Variants in C4orf50 observed in about 807,000 individuals in gnomAD.
C4orf50 encodes the protein chromosome 4 open reading frame 50, also known as uncharacterized protein C4orf50.
In C4orf50, 80 loss-of-function variants were observed where a neutral mutation model predicts 77.2. The observed-to-expected ratio is 1.04, with a 90% CI of 0.87 to 1.25. C4orf50 has a LOEUF of 1.25. Ranked by LOEUF, C4orf50 falls within the 50% of genes most tolerant of loss-of-function variation. The pLI is 0.00. For synonymous variants in C4orf50, 532 were observed against 465.3 expected, an observed-to-expected ratio of 1.14 and a Z score of -1.84; for missense variants, 1,257 against 1,152.9, an observed-to-expected ratio of 1.09 and a Z score of -1.31.
chr4:5,906,479 G>T (rs975989656), intron 7 of C4orf50, among the ~76,000 whole-genome samples: 6 of 152,152 alleles, frequency 3.9e-5, no homozygotes, highest in Admixed American at 3.9e-4. Flanking sequence ...AAAGAGCTCA[G>T]TTTGCCAAGA....
At chr4:5,987,686 G>A (rs370970757) in intron 28 of C4orf50, among the ~76,000 whole-genome samples, 7 of 151,716 alleles carry the variant, frequency 4.6e-5, no homozygotes, top group Admixed American at 2.6e-4. Flanking sequence ...AGGGTGGAGC[G>A]AGATGGGAGA....
At chr4:5,903,678 T>A (rs1716429691) in intron 7 of C4orf50, 1 of 152,112 alleles carries the variant, frequency 6.6e-6, no homozygotes, top group African/African-American at 2.4e-5. Flanking sequence ...GAATATGGTG[T>A]TTCTAATTTT....
intron 29 of C4orf50, 82 bp from the exon 8 acceptor site, chr4:5,976,037 A>C: frequency 1.7e-6 from 2 of 1,169,284 alleles, no homozygotes; most frequent in Non-Finnish European, 2.6e-6. Flanking sequence ...CTGGGCTCAG[A>C]ACAGCTGGCA....
intron 23 of C4orf50, among the ~76,000 whole-genome samples, chr4:6,014,754 A>G (rs1308128233): frequency 1.3e-5 from 2 of 152,190 alleles, no homozygotes; most frequent in Non-Finnish European, 2.9e-5. Flanking sequence ...CAGGGTCCAA[A>G]GGAGCCAAGA....
downstream of C4orf50, among the ~76,000 whole-genome samples, chr4:5,954,119 C>T (rs1718845218): frequency 6.6e-6 from 1 of 152,214 alleles, no homozygotes; most frequent in South Asian, 2.1e-4. The surrounding 1 kb of genome is among the most constrained non-coding windows in gnomAD (Gnocchi z 4.7). Context: ...CCCTGGCTCC[C>T]AGGACAGCAG....
At chr4:6,012,727 G>A (rs940991209) in intron 23 of C4orf50, among the ~76,000 whole-genome samples, 2 of 152,146 alleles carry the variant, frequency 1.3e-5, no homozygotes, top group African/African-American at 4.8e-5. Context: ...CTGTGGGAGG[G>A]AGACACACGC....
Position 5,900,395 on chromosome 4 carries a change from C to T in C4orf50, c.*2475-2207G>A, listed in dbSNP as rs2152479477. The T allele has an allele frequency of 6.6e-6, 1 of 152,012 alleles. No homozygotes were observed. Among genetic ancestry groups the T allele is most frequent in the Middle Eastern group, 3.4e-3 (1 of 294 alleles). The allele number at this position is 152,012 out of a possible 1,614,324, so 9.4% of individuals were successfully genotyped here. A position where few individuals can be genotyped will look rare whatever the true frequency, so the allele number is the denominator to read the frequency against. On this transcript the variant is annotated intron_variant, in intron 7 of 7. Transcript: ENST00000324058. This position sits in a 1 kb window ranked among gnomAD's most constrained non-coding sequence, Gnocchi z 4.3. ...ACACCGAGAAACTAGGTAAGGAAGG[C>T]TACGGAAGGGTGGATTTAAAGATCA...
At chr4:5,999,934 G>C (rs113331974) in intron 25 of C4orf50, among the ~76,000 whole-genome samples, 16 of 152,310 alleles carry the variant, frequency 1.1e-4, no homozygotes, top group African/African-American at 3.8e-4. Context: ...CACACTCAGG[G>C]ACCTGCAGCT....
At position 6,015,641 on chromosome 4, in the gene C4orf50, C is replaced by T. The variant is rs1033969715; in HGVS notation, c.287+2504G>A. Among the ~76,000 whole-genome samples the T allele has an allele frequency of 5.9e-5, 9 of 152,150 alleles. No homozygotes were observed. The highest frequency in any genetic ancestry group is 1.3e-4 in the Non-Finnish European group (9 of 68,040). On this transcript the variant is annotated intron_variant, in intron 23 of 33. Transcript: ENST00000531445. The surrounding 1 kb of genome is among the most constrained non-coding windows in gnomAD (Gnocchi z 4.4). ...TGCAGCTGTAACACGTCACCACAAGCTTGGCGGCCAGAAGTCGGAATCAGT... is the reference window on the plus strand; with the variant it reads ...TGCAGCTGTAACACGTCACCACAAGTTTGGCGGCCAGAAGTCGGAATCAGT...
rs58512584 is a variant in C4orf50 at position 5,987,412 on chromosome 4, C to CAAAAAAAAAAAAAAAAAAA, written c.3699+916_3699+934dup. On this transcript the variant is annotated intron_variant, in intron 28 of 33. Transcript: ENST00000531445. ...GGTGACAGAGCGAGACTCTGTCTCA[C>CAAAAAAAAAAAAAAAAAAA]AAAAAAAAAAAAAAAAAAAAAAAGA... Among the ~76,000 whole-genome samples the CAAAAAAAAAAAAAAAAAAA allele has an allele frequency of 8.9e-4, 30 of 33,642 alleles. 1 individual carries two copies. The highest frequency in any genetic ancestry group is 1.5e-3 in the African/African-American group (16 of 10,916). The allele number at this position is 33,642 out of a possible 152,430, so 22.1% of individuals were successfully genotyped here. A position where few individuals can be genotyped will look rare whatever the true frequency, so the allele number is the denominator to read the frequency against.
chr4:5,972,225 G>A (rs528143446), intron 31 of C4orf50, among the ~76,000 whole-genome samples: 6 of 152,050 alleles, frequency 3.9e-5, no homozygotes, highest in African/African-American at 9.6e-5. Flanking sequence ...GCATGGTCTC[G>A]ATCTCTTGAC....
chr4:5,940,318 T>C (rs1466093920), intron 7 of C4orf50, among the ~76,000 whole-genome samples: 1 of 152,240 alleles, frequency 6.6e-6, no homozygotes, highest in Non-Finnish European at 1.5e-5. Context: ...TCCTTCTTAT[T>C]TGTAATTCAT....
rs780019244 is a variant in C4orf50 at position 5,965,207 on chromosome 4, G to A, written c.4154-62C>T. 161 of 1,539,738 alleles carry A rather than the reference G, an allele frequency of 1.0e-4. 1 individual carries two copies. The highest frequency in any genetic ancestry group is 8.5e-4 in the Admixed American group (47 of 55,508). ...GAACCTAGGTGAAAAGTCTACAAGT[G>A]TCTGAGCCTTGTCATAACCTTCTTC... On this transcript the variant is annotated intron_variant, in intron 32 of 33. Transcript: ENST00000531445.
intron 7 of C4orf50, among the ~76,000 whole-genome samples, chr4:5,945,445 G>A (rs1305127449): frequency 6.6e-6 from 1 of 152,192 alleles, no homozygotes; most frequent in Non-Finnish European, 1.5e-5. Context: ...CCAGCACCCG[G>A]GAGAGGGGAA....
rs989093919 is a variant in C4orf50 at position 5,919,963 on chromosome 4, A to G, written c.*2475-21775T>C. On this transcript the variant is annotated intron_variant, in intron 7 of 7. Transcript: ENST00000324058. This position sits in a 1 kb window ranked among gnomAD's most constrained non-coding sequence, Gnocchi z 6.5. ...TCAACACGCACAGACTTTTCTTGTC[A>G]TCATTCCCTCAACAACACAGTATGA... Among the ~76,000 whole-genome samples, 1 of 152,248 alleles carries G rather than the reference A, an allele frequency of 6.6e-6. No homozygotes were observed. The highest frequency in any genetic ancestry group is 1.5e-5 in the Non-Finnish European group (1 of 68,040).
intron 28 of C4orf50, among the ~76,000 whole-genome samples, chr4:5,987,451 C>A (rs2108787748): frequency 7.8e-6 from 1 of 128,566 alleles, no homozygotes; most frequent in Non-Finnish European, 1.7e-5. Context: ...CAATAAAGGT[C>A]TAAGAAGAAA....
intron 7 of C4orf50, among the ~76,000 whole-genome samples, chr4:5,945,073 G>A (rs903646540): frequency 6.6e-6 from 1 of 152,182 alleles, no homozygotes; most frequent in African/African-American, 2.4e-5. Flanking sequence ...ATTCTCCACA[G>A]GCCAGTGGCT....
At chr4:5,954,160 T>C (rs559316018), downstream of C4orf50, among the ~76,000 whole-genome samples, 8 of 152,296 alleles carry the variant, frequency 5.3e-5, no homozygotes, top group South Asian at 2.1e-4. The surrounding 1 kb of genome is among the most constrained non-coding windows in gnomAD (Gnocchi z 4.7). Context: ...GCAGTCAGTG[T>C]GTGTGCCATG....
rs1294682375 is a variant in C4orf50 at position 6,000,757 on chromosome 4, T to C, written c.964-6281A>G. Among the ~76,000 whole-genome samples, 1 of 152,152 alleles carries C rather than the reference T, an allele frequency of 6.6e-6. No individual in the cohort carries two copies. The highest frequency in any genetic ancestry group is 1.5e-5 in the Non-Finnish European group (1 of 68,022). ...CAAGTGGGTACCATCAAATCCTGACTGTTGACCTGTTGACCAGTATTTACT... is the reference window on the plus strand; with the variant it reads ...CAAGTGGGTACCATCAAATCCTGACCGTTGACCTGTTGACCAGTATTTACT... On this transcript the variant is annotated intron_variant, in intron 25 of 33. Coordinates refer to ENST00000531445, the Ensembl canonical transcript of C4orf50. The surrounding 1 kb of genome is among the most constrained non-coding windows in gnomAD (Gnocchi z 6.0).
Sources: gnomAD v4.1 joint callset for allele counts (sites outside exome capture counted in the v4.1 genomes callset) on GRCh38, gnomAD v4.1.1 for gene constraint, Gnocchi (gnomAD v3.1) non-coding constraint, MANE v1.5 for transcripts, NCBI Gene and HGNC (gene_info 2026-07-23, HGNC 2026-07-21) for gene names.